CEP295: variants seen among roughly 807,000 people sequenced by gnomAD.
The protein encoded by CEP295 is centrosomal protein of 295 kDa.
CEP295 carries 190 observed loss-of-function variants against 291.6 expected under a neutral mutation model. The observed-to-expected ratio is 0.65, with a 90% CI of 0.58 to 0.73. The LOEUF (loss-of-function observed/expected upper bound fraction) is 0.73, where lower values mean the gene tolerates loss of function less well. Ranked by LOEUF, CEP295 falls within the 30% of genes least tolerant of loss-of-function variation. The pLI, the probability that CEP295 is intolerant of heterozygous loss-of-function variation, is 0.00. For missense variants in CEP295, 2,863 were observed against 2,949.4 expected (o/e 0.97, Z 0.68); for synonymous variants, 993 against 1,038.8 (o/e 0.96, Z 0.85).
chr11:93,695,619 A>C lies in CEP295; in HGVS notation c.1656A>C (p.Lys552Asn). 1 of 1,493,092 alleles carries C rather than the reference A, an allele frequency of 6.7e-7. No individual in the cohort carries two copies. The highest frequency in any genetic ancestry group is 8.8e-7 in the Non-Finnish European group (1 of 1,130,894). 92.5% of individuals were successfully genotyped at this position (1,493,092 alleles called of 1,614,324 possible). A position where few individuals can be genotyped will look rare whatever the true frequency, so the allele number is the denominator to read the frequency against. ...RAQLEEEKRK[K>N]TQPTGVGIAP... ...AGCTGGAAGAAGAAAAAAGAAAAAAAACTCAACCGACTGGGGTAGGATGCA... is the reference window on the plus strand; with the variant it reads ...AGCTGGAAGAAGAAAAAAGAAAAAACACTCAACCGACTGGGGTAGGATGCA... The change falls in exon 13 of 30, where the codon AAA (lysine) becomes AAC (asparagine). Residue 552 changes from lysine to asparagine, a missense_variant. By Grantham distance (94) the Lys-to-Asn change is moderately conservative. Around this residue, in one of 3 missense-constraint regions of CEP295, gnomAD observed 2,295 missense variants for 2,335.7 expected, o/e 0.98. Coordinates refer to ENST00000325212, the MANE Select transcript of CEP295 (RefSeq NM_033395.2).
chr11:93,692,442 G>GA (rs1236837774), intron 12 of CEP295, among the ~76,000 whole-genome samples: 1 of 152,056 alleles, frequency 6.6e-6, no homozygotes, highest in African/African-American at 2.4e-5. Context: ...CAAGTTTTTT[G>GA]AAAAATAATA....
intron 15 of CEP295, among the ~76,000 whole-genome samples, chr11:93,702,101 G>A (rs1206123501): frequency 6.6e-6 from 1 of 152,118 alleles, no homozygotes; most frequent in Non-Finnish European, 1.5e-5. Flanking sequence ...CAGGATTACA[G>A]GCATGCACAA....
intron 7 of CEP295, among the ~76,000 whole-genome samples, chr11:93,681,708 C>G (rs1423047922): frequency 6.6e-6 from 1 of 151,898 alleles, no homozygotes; most frequent in African/African-American, 2.4e-5. Context: ...GCCACCATGC[C>G]CAGCCCAAGT....
chr11:93,695,379 C>G, intron 12 of CEP295, 118 bp from the exon 13 acceptor site: 5 of 598,744 alleles, frequency 8.4e-6, no homozygotes, highest in Non-Finnish European at 1.3e-5. Flanking sequence ...TCAACACTTA[C>G]TTCTTTGAAA....
chr11:93,728,727 TA>T lies in CEP295; in HGVS notation c.7210del (p.Ile2404Ter). On this transcript the variant is annotated frameshift_variant, in exon 25 of 30. Coordinates refer to ENST00000325212, the MANE Select transcript of CEP295 (RefSeq NM_033395.2). LOFTEE classifies it high-confidence loss of function. ...HGIMEEPELT[L>X]ISTTDTSIAE... is the part of the protein sequence containing the mutation. ...ATAATGGAAGAACCAGAACTTACTT[TA>T]ATAAGCACCACTGATACCAGTATTG... 2.6e-6 allele frequency: 4 copies of T among 1,550,242 alleles called. No individual in the cohort carries two copies. The highest frequency in any genetic ancestry group is 3.5e-6 in the Non-Finnish European group (4 of 1,146,516).
At chr11:93,711,318 C>CT (rs1952881058) in intron 18 of CEP295, among the ~76,000 whole-genome samples, 1 of 152,026 alleles carries the variant, frequency 6.6e-6, no homozygotes, top group African/African-American at 2.4e-5. Flanking sequence ...TTATTTGTTT[C>CT]AAGAAATTTT....
intron 5 of CEP295, among the ~76,000 whole-genome samples, chr11:93,674,913 A>G (rs944205547): frequency 6.6e-6 from 1 of 152,244 alleles, no homozygotes; most frequent in Non-Finnish European, 1.5e-5. Flanking sequence ...TGTTTAACAC[A>G]TAGTAGGCAC....
chr11:93,729,807 A>G (rs1236843984), intron 27 of CEP295, 26 bp downstream of exon 27: 18 of 1,537,110 alleles, frequency 1.2e-5, no homozygotes, highest in South Asian at 1.2e-5. Context: ...AAAATCTTCA[A>G]CCAACTCCCT....
intron 1 of CEP295, 21 bp from the exon 2 acceptor site, chr11:93,666,661 C>T: frequency 2.3e-6 from 2 of 873,200 alleles, no homozygotes; most frequent in South Asian, 3.4e-5. Flanking sequence ...TTTTTATAGA[C>T]ATTTTCCTTT....
chr11:93,712,209 CT>C (rs201288561), intron 18 of CEP295, among the ~76,000 whole-genome samples: 2,899 of 147,774 alleles, frequency 0.02, 98 homozygotes, highest in African/African-American at 0.068. Context: ...TAATGACCTG[CT>C]TTTTTTTTTC....
At chr11:93,700,388 A>C (rs913058953) in intron 15 of CEP295, among the ~76,000 whole-genome samples, 4 of 151,732 alleles carry the variant, frequency 2.6e-5, no homozygotes, top group Non-Finnish European at 4.4e-5. Context: ...TAGTTACGTG[A>C]AGTCCAATTA....
At chr11:93,707,726 G>T (rs1379715199) in intron 18 of CEP295, among the ~76,000 whole-genome samples, 1 of 151,816 alleles carries the variant, frequency 6.6e-6, no homozygotes, top group Non-Finnish European at 1.5e-5. Flanking sequence ...TCCAGCCTGG[G>T]CGACAGAGCG....
rs539108755 is a variant in CEP295 at position 93,672,690 on chromosome 11, A to G, written c.529-2881A>G. 2.1e-3 allele frequency among the ~76,000 whole-genome samples: 327 copies of G among 152,298 alleles called. 1 individual carries two copies. The highest frequency in any genetic ancestry group is 3.5e-3 in the Non-Finnish European group (241 of 68,004). On this transcript the variant is annotated intron_variant, in intron 5 of 29. Coordinates refer to ENST00000325212, the MANE Select transcript of CEP295 (RefSeq NM_033395.2). ...TGGGTAGATAAGGCTAGAAATAGTT[A>G]CTGTGGAGCAAAACTAAGGCTGGAA...
chr11:93,697,877 G>A lies in CEP295; in HGVS notation c.2965G>A (p.Glu989Lys), dbSNP rs963863446. 21 of 1,551,640 alleles carry A rather than the reference G, an allele frequency of 1.4e-5. No homozygotes were observed. The African/African-American group carries it at 1.9e-4, about 14-fold the overall frequency. The change falls in exon 15 of 30, where the codon GAA becomes AAA. Residue 989 changes from glutamate to lysine, a missense_variant. Glu to Lys is a moderately conservative substitution (Grantham distance 56). This residue lies in a region of CEP295 where 2,295 missense variants were observed against 2,335.7 expected (regional missense o/e 0.98). Transcript: ENST00000325212. ...QSELDRRVCS[E>K]QAEPSFPFQV... ...TGAATTGGATAGAAGAGTATGTTCC[G>A]AACAGGCTGAGCCCTCTTTCCCATT...
At position 93,696,729 on chromosome 11, in the gene CEP295, A is replaced by G. The variant is rs1029602436; in HGVS notation, c.1817A>G (p.Tyr606Cys). ...ACAGCCAGGAAACAATTACTTGAAT[A>G]TCAAACTATGTTAAAAGGAAGGTGC... ...VETARKQLLE[Y>C]QTMLKGRCPS... Residue 606 changes from tyrosine (Y) to cysteine (C), a missense_variant, in exon 15 of 30, where the codon TAT (tyrosine) becomes TGT (cysteine). Around this residue, in one of 3 missense-constraint regions of CEP295, gnomAD observed 2,295 missense variants for 2,335.7 expected, o/e 0.98. Transcript: ENST00000325212. 1.3e-6 allele frequency: 2 copies of G among 1,551,190 alleles called. No homozygotes were observed. The highest frequency in any genetic ancestry group is 2.7e-5 in the African/African-American group (2 of 73,042).
chr11:93,662,245 T>C (rs1320389719), intron 1 of CEP295, among the ~76,000 whole-genome samples: 1 of 152,228 alleles, frequency 6.6e-6, no homozygotes, highest in Non-Finnish European at 1.5e-5. Context: ...TTTAAAACAA[T>C]GGTGAACTTT....
intron 6 of CEP295, 51 bp from the exon 7 acceptor site, chr11:93,679,361 G>A: frequency 2.0e-6 from 3 of 1,490,186 alleles, no homozygotes; most frequent in Non-Finnish European, 2.7e-6. Context: ...TTTAGTTACT[G>A]CTTGTCTCAC....
Position 93,697,496 on chromosome 11 carries a change from C to T in CEP295, c.2584C>T (p.Gln862Ter), listed in dbSNP as rs1438400164. Residue 862 changes from glutamine to a stop codon, truncating the protein, a stop_gained, in exon 15 of 30, where the codon CAG (glutamine) becomes TAG (stop). Coordinates refer to ENST00000325212, the MANE Select transcript of CEP295 (RefSeq NM_033395.2). LOFTEE classifies it high-confidence loss of function. ...EQLDLQKKVL[Q>*]ATQEAQEQLL... is the part of the protein sequence containing the mutation. The stretch of plus-strand genomic sequence containing the variant: ...GTTAGACCTACAGAAGAAAGTTCTT[C>T]AGGCAACTCAGGAAGCTCAGGAACA... The T allele has an allele frequency of 2.6e-6, 4 of 1,551,808 alleles. No homozygotes were observed. In the Admixed American group the frequency reaches 7.8e-5, roughly 30 times the overall value.
At chr11:93,727,692 CTT>C in intron 24 of CEP295, 55 bp downstream of exon 24, 2 of 1,360,420 alleles carry the variant, frequency 1.5e-6, no homozygotes, top group Non-Finnish European at 2.0e-6. Flanking sequence ...TGGGAAAAAA[CTT>C]TTTTCTTCTA....
Sources: allele counts gnomAD v4.1 joint callset (sites outside exome capture counted in the v4.1 genomes callset), GRCh38; gene constraint gnomAD v4.1.1; regional missense constraint gnomAD v4.1.1; transcripts MANE v1.5; gene names NCBI Gene and HGNC (gene_info 2026-07-23, HGNC 2026-07-21).